The following IMMP2L variants were observed in gnomAD, a reference collection of about 807,000 sequenced individuals.
IMMP2L encodes the protein inner mitochondrial membrane peptidase subunit 2, also known as mitochondrial inner membrane protease subunit 2.
A neutral mutation model predicts 19.3 loss-of-function variants in IMMP2L; 18 were observed. The ratio of observed to expected loss-of-function variants is 0.93; its 90% CI spans 0.64 to 1.38. The LOEUF is 1.38. Among genes scored for constraint, IMMP2L ranks in the 40% most tolerant of loss-of-function variants. The probability of loss-of-function intolerance (pLI) is 0.00; values close to 1 mark genes in which losing one functional copy is unlikely to be tolerated. For missense variants in IMMP2L, 233 were observed against 218.2 expected, an observed-to-expected ratio of 1.07 and a Z score of -0.43; for synonymous variants, 76 against 73.0, an observed-to-expected ratio of 1.04 and a Z score of -0.21.
At chr7:111,039,748 T>C (rs1164284372) in intron 3 of IMMP2L, among the ~76,000 whole-genome samples, 1 of 152,220 alleles carries the variant, frequency 6.6e-6, no homozygotes, top group Non-Finnish European at 1.5e-5. Context: ...AGCATCTCTA[T>C]TCCTCCCTTA....
intron 5 of IMMP2L, among the ~76,000 whole-genome samples, chr7:110,868,456 A>T (rs1165597309): frequency 3.3e-5 from 5 of 152,056 alleles, no homozygotes; most frequent in Admixed American, 3.3e-4. Flanking sequence ...TATAATTGTG[A>T]TCATCAAATC....
chr7:110,736,851 G>T (rs953511863), intron 5 of IMMP2L, among the ~76,000 whole-genome samples: 1 of 152,168 alleles, frequency 6.6e-6, no homozygotes, highest in Non-Finnish European at 1.5e-5. Context: ...TGATTTAAAT[G>T]ATATTTAGAT....
At chr7:110,967,791 AAT>A (rs1276932577) in intron 3 of IMMP2L, among the ~76,000 whole-genome samples, 2 of 152,092 alleles carry the variant, frequency 1.3e-5, no homozygotes, top group African/African-American at 2.4e-5. Context: ...TAATTTTAAA[AAT>A]ATATGTTTTT....
intron 3 of IMMP2L, among the ~76,000 whole-genome samples, chr7:111,451,778 G>C (rs1201464194): frequency 6.6e-6 from 1 of 151,052 alleles, no homozygotes; most frequent in Admixed American, 6.6e-5. Context: ...AGAAGGCAAG[G>C]CAAAATGATT....
chr7:111,466,075 C>CA (rs1181439773), intron 3 of IMMP2L, among the ~76,000 whole-genome samples: 1 of 151,868 alleles, frequency 6.6e-6, no homozygotes, highest in East Asian at 1.9e-4. Flanking sequence ...ATCGCAAGGA[C>CA]AAAAAAACCA....
chr7:111,510,428 G>T (rs1274307589), intron 2 of IMMP2L, among the ~76,000 whole-genome samples: 1 of 151,928 alleles, frequency 6.6e-6, no homozygotes, highest in Non-Finnish European at 1.5e-5. Flanking sequence ...ATCAAAATCA[G>T]TATAGATATC....
intron 3 of IMMP2L, among the ~76,000 whole-genome samples, chr7:111,427,399 T>C (rs930911924): frequency 2.0e-5 from 3 of 151,574 alleles, no homozygotes; most frequent in Non-Finnish European, 4.4e-5. Context: ...GACTGGACAG[T>C]GCATTATAAA....
chr7:110,731,819 A>C (rs925491621), intron 5 of IMMP2L, among the ~76,000 whole-genome samples: 1 of 152,170 alleles, frequency 6.6e-6, no homozygotes, highest in African/African-American at 2.4e-5. Flanking sequence ...GGACTTAACT[A>C]ATTATTATAA....
intron 3 of IMMP2L, among the ~76,000 whole-genome samples, chr7:111,198,491 A>G (rs1586790779): frequency 6.6e-6 from 1 of 152,172 alleles, no homozygotes; most frequent in Non-Finnish European, 1.5e-5. Flanking sequence ...TGGGTGTACC[A>G]GGTCACTCTG....
intron 5 of IMMP2L, among the ~76,000 whole-genome samples, chr7:110,722,816 G>T (rs922019660): frequency 3.9e-5 from 6 of 152,226 alleles, no homozygotes; most frequent in East Asian, 3.9e-4. Flanking sequence ...GAATACAGAT[G>T]CTAGAAGGAT....
intron 4 of IMMP2L, among the ~76,000 whole-genome samples, chr7:110,944,469 G>GCACGTGTGTGTGTGCGCGCA (rs1554468893): frequency 1.3e-5 from 2 of 151,644 alleles, no homozygotes; most frequent in African/African-American, 2.4e-5. Flanking sequence ...GTGTGCGCGC[G>GCACGTGTGTGTGTGCGCGCA]CACGTGTGTG....
intron 5 of IMMP2L, among the ~76,000 whole-genome samples, chr7:110,801,190 A>C (rs1453325925): frequency 6.6e-6 from 1 of 152,044 alleles, no homozygotes; most frequent in Non-Finnish European, 1.5e-5. Flanking sequence ...TGGAAAGCCA[A>C]AACTACTCAT....
At chr7:110,832,635 C>A (rs1411900032) in intron 5 of IMMP2L, among the ~76,000 whole-genome samples, 1 of 152,090 alleles carries the variant, frequency 6.6e-6, no homozygotes, top group Non-Finnish European at 1.5e-5. Flanking sequence ...ATTTAAGTCA[C>A]ATGGATCACC....
chr7:111,478,364 T>C (rs1841897433), intron 3 of IMMP2L, among the ~76,000 whole-genome samples: 2 of 152,112 alleles, frequency 1.3e-5, no homozygotes, highest in Admixed American at 1.3e-4. Context: ...TATCCACCTT[T>C]TCATCACTTT....
At chr7:111,072,834 C>T (rs767515842) in intron 3 of IMMP2L, among the ~76,000 whole-genome samples, 1 of 148,742 alleles carries the variant, frequency 6.7e-6, no homozygotes, top group Admixed American at 6.8e-5. Flanking sequence ...GGCGGAGCAG[C>T]GGAGCTTGCA....
At chr7:110,982,069 A>G (rs2129558201) in intron 3 of IMMP2L, among the ~76,000 whole-genome samples, 1 of 152,288 alleles carries the variant, frequency 6.6e-6, no homozygotes, top group South Asian at 2.1e-4. Context: ...AAGACTTTTT[A>G]AATGTTCCAA....
chr7:110,775,269 G>GTGTGTGTGTGTGTT (rs1799307377), intron 5 of IMMP2L, among the ~76,000 whole-genome samples: 1 of 151,620 alleles, frequency 6.6e-6, no homozygotes, highest in Non-Finnish European at 1.5e-5. Flanking sequence ...GTGTGTGTGT[G>GTGTGTGTGTGTGTT]TGTGTGTGTG....
Position 111,289,280 on chromosome 7 carries a change from G to T in IMMP2L, c.239+197958C>A, listed in dbSNP as rs556252716. Among the ~76,000 whole-genome samples the T allele has an allele frequency of 1.7e-3, 260 of 151,970 alleles. 2 individuals carry two copies. The highest frequency in any genetic ancestry group is 3.0e-3 in the Non-Finnish European group (206 of 67,956). On this transcript the variant is annotated intron_variant, in intron 3 of 5. Transcript: ENST00000405709. ...TGGGGGCTTGTCAGGGGGTTGGGGG[G>T]CTAGGGAAGGGACAGCATTAGGATA...
chr7:110,954,086 G>C (rs1226984999), intron 4 of IMMP2L, among the ~76,000 whole-genome samples: 1 of 152,094 alleles, frequency 6.6e-6, no homozygotes. Flanking sequence ...GGTGTGATTA[G>C]CGAGAGAGAA....
Sources: allele counts gnomAD v4.1 joint callset (sites outside exome capture counted in the v4.1 genomes callset), GRCh38; gene constraint gnomAD v4.1.1; transcripts MANE v1.5; gene names NCBI Gene and HGNC (gene_info 2026-07-23, HGNC 2026-07-21).